The following SCFD2 variants were observed in gnomAD, a reference collection of about 807,000 sequenced individuals.
SCFD2 encodes the protein sec1 family domain containing 2.
Under a neutral mutation model 58.9 loss-of-function variants are expected in SCFD2, and 54 were observed. The ratio of observed to expected loss-of-function variants is 0.92; its 90% CI spans 0.74 to 1.15. SCFD2 has a LOEUF of 1.15. SCFD2 is among the 50% of genes most tolerant of loss of function. SCFD2 has a pLI of 0.00. For synonymous variants in SCFD2, 321 were observed against 335.9 expected (o/e 0.96, Z 0.49); for missense variants, 805 against 836.6 (o/e 0.96, Z 0.47).
chr4:53,164,806 A>AAG (rs11450235), intron 4 of SCFD2, among the ~76,000 whole-genome samples: 1 of 98,518 alleles, frequency 1.0e-5, no homozygotes, highest in African/African-American at 3.6e-5. Flanking sequence ...AAAAAAAAAA[A>AAG]GAAGAAGAAG....
chr4:53,266,801 A>G (rs1337228164), intron 4 of SCFD2, among the ~76,000 whole-genome samples: 1 of 152,236 alleles, frequency 6.6e-6, no homozygotes, highest in African/African-American at 2.4e-5. Flanking sequence ...TGGAGATAAG[A>G]GAGAGAAAAA....
At chr4:53,149,679 T>C (rs1726450036) in intron 4 of SCFD2, among the ~76,000 whole-genome samples, 1 of 152,160 alleles carries the variant, frequency 6.6e-6, no homozygotes, top group African/African-American at 2.4e-5. Flanking sequence ...TAACCAGTGA[T>C]AAAACATATT....
At chr4:52,885,957 A>G in intron 7 of SCFD2, 91 bp from the exon 8 acceptor site, 1 of 1,501,522 alleles carries the variant, frequency 6.7e-7, no homozygotes, top group South Asian at 1.2e-5. Flanking sequence ...CTCTGTAGAA[A>G]CCTCAGGACT....
At chr4:53,237,468 G>A (rs1294781300) in intron 4 of SCFD2, among the ~76,000 whole-genome samples, 5 of 129,098 alleles carry the variant, frequency 3.9e-5, no homozygotes, top group Non-Finnish European at 8.1e-5. Flanking sequence ...CCGGGCGGGG[G>A]GGCTGACCCC....
At chr4:53,153,966 C>T (rs1014926244) in intron 4 of SCFD2, among the ~76,000 whole-genome samples, 1 of 152,112 alleles carries the variant, frequency 6.6e-6, no homozygotes, top group African/African-American at 2.4e-5. Flanking sequence ...CAGCCTGGGC[C>T]ATCACTGTCC....
intron 5 of SCFD2, among the ~76,000 whole-genome samples, chr4:53,121,760 A>C (rs1204422820): frequency 6.6e-6 from 1 of 152,220 alleles, no homozygotes; most frequent in East Asian, 1.9e-4. Context: ...TTGTGGAAGA[A>C]AGTGGGATTC....
intron 4 of SCFD2, among the ~76,000 whole-genome samples, chr4:53,215,328 T>C (rs1408737054): frequency 6.6e-6 from 1 of 152,158 alleles, no homozygotes; most frequent in Non-Finnish European, 1.5e-5. Context: ...TTTTATTTCA[T>C]TGAGCAGTGG....
At chr4:53,195,476 G>A (rs1297324127) in intron 4 of SCFD2, among the ~76,000 whole-genome samples, 2 of 152,094 alleles carry the variant, frequency 1.3e-5, no homozygotes, top group Admixed American at 1.3e-4. Context: ...TGACCCTTCT[G>A]GTCTGGGCTC....
chr4:52,912,230 A>T (rs1023358447), intron 6 of SCFD2, among the ~76,000 whole-genome samples: 2 of 152,170 alleles, frequency 1.3e-5, no homozygotes, highest in African/African-American at 2.4e-5. Context: ...TTTATTCTAA[A>T]ATACATTTAT....
intron 1 of SCFD2, among the ~76,000 whole-genome samples, chr4:53,362,684 C>CA (rs11377729): frequency 0.7 from 102,800 of 146,846 alleles, 35,471 homozygotes; most frequent in Middle Eastern, 0.72. Context: ...TAAAATAAAG[C>CA]AAAAAAAAAA....
intron 4 of SCFD2, 172 bp downstream of exon 4, chr4:53,273,654 G>A (rs1731240717): frequency 1.8e-6 from 1 of 554,298 alleles, no homozygotes; most frequent in Non-Finnish European, 3.0e-6. Flanking sequence ...TTTTAAACAG[G>A]TGTGAAAAAA....
intron 3 of SCFD2, among the ~76,000 whole-genome samples, chr4:53,284,829 T>C (rs1731614281): frequency 6.6e-6 from 1 of 152,190 alleles, no homozygotes; most frequent in Non-Finnish European, 1.5e-5. Context: ...GGACTATATA[T>C]ACAGCCAACC....
At chr4:52,880,938 G>A (rs114494729) in intron 8 of SCFD2, among the ~76,000 whole-genome samples, 2,327 of 152,368 alleles carry the variant, frequency 0.015, 69 homozygotes, top group African/African-American at 0.052. Flanking sequence ...GAGGAGAGAG[G>A]CTGGTGTTGG....
chr4:53,157,037 A>G (rs1254995120), intron 4 of SCFD2, among the ~76,000 whole-genome samples: 1 of 152,252 alleles, frequency 6.6e-6, no homozygotes, highest in Non-Finnish European at 1.5e-5. Flanking sequence ...ACTTACTGTC[A>G]ATGTCAAAAT....
At chr4:53,118,538 T>G (rs1439860199) in intron 5 of SCFD2, among the ~76,000 whole-genome samples, 1 of 152,168 alleles carries the variant, frequency 6.6e-6, no homozygotes, top group Non-Finnish European at 1.5e-5. Flanking sequence ...TAAGTAGAAT[T>G]TTCTTCCAGG....
At chr4:53,307,484 T>C (rs1380731706) in intron 3 of SCFD2, among the ~76,000 whole-genome samples, 1 of 152,208 alleles carries the variant, frequency 6.6e-6, no homozygotes, top group Non-Finnish European at 1.5e-5. Flanking sequence ...TTTGTATCCT[T>C]GCTTACTTGC....
At chr4:52,997,338 G>C (rs7696803) in intron 5 of SCFD2, among the ~76,000 whole-genome samples, 2,322 of 152,336 alleles carry the variant, frequency 0.015, 65 homozygotes, top group African/African-American at 0.054. Context: ...GGATCAAAGA[G>C]CTCTCAGGAA....
chr4:53,224,048 T>A (rs1348911449), intron 4 of SCFD2, among the ~76,000 whole-genome samples: 1 of 152,152 alleles, frequency 6.6e-6, no homozygotes. Context: ...AGTTCCTTCA[T>A]TCTAGCTAGT....
At chr4:52,886,243 C>T (rs1718738076) in intron 7 of SCFD2, among the ~76,000 whole-genome samples, 2 of 152,136 alleles carry the variant, frequency 1.3e-5, no homozygotes, top group Non-Finnish European at 2.9e-5. Flanking sequence ...TACTTGCAAA[C>T]CAATCAGCAT....
Sources: gnomAD v4.1 joint callset for allele counts (sites outside exome capture counted in the v4.1 genomes callset) on GRCh38, gnomAD v4.1.1 for gene constraint, MANE v1.5 for transcripts, NCBI Gene and HGNC (gene_info 2026-07-23, HGNC 2026-07-21) for gene names.